Variants in PCDHGB4 observed in about 807,000 individuals in gnomAD.
PCDHGB4 encodes the protein protocadherin gamma subfamily B, 4.
A neutral mutation model predicts 60.5 loss-of-function variants in PCDHGB4; 38 were observed. That is an observed-to-expected ratio of 0.63 (90% CI 0.48 to 0.82). The LOEUF is 0.82. Ranked by LOEUF, PCDHGB4 falls within the 40% of genes least tolerant of loss-of-function variation. PCDHGB4 has a pLI of 0.00. For missense variants in PCDHGB4, 1,109 were observed against 1,209.6 expected (o/e 0.92, Z 1.23); for synonymous variants, 456 against 509.7 (o/e 0.89, Z 1.42).
At chr5:141,418,072 G>A in intron 1 of PCDHGB4, 1 of 1,614,058 alleles carries the variant, frequency 6.2e-7, no homozygotes, top group Non-Finnish European at 8.5e-7. Context: ...TGAGCGCGGA[G>A]AAGCTGCACT....
chr5:141,413,839 G>T (rs971599906), intron 1 of PCDHGB4: 1 of 1,613,310 alleles, frequency 6.2e-7, no homozygotes, highest in African/African-American at 1.3e-5. Flanking sequence ...CTCCGACGGG[G>T]GTGACCCTCT....
At chr5:141,395,224 C>G (rs1442627118) in intron 1 of PCDHGB4, 1 of 1,610,586 alleles carries the variant, frequency 6.2e-7, no homozygotes, top group Admixed American at 1.7e-5. Context: ...AAGAATGAAG[C>G]TGATCATGGT....
At chr5:141,404,232 G>GTCCAC (rs2094500642) in intron 1 of PCDHGB4, 1 of 1,613,696 alleles carries the variant, frequency 6.2e-7, no homozygotes, top group African/African-American at 1.3e-5. Flanking sequence ...GCAACAGACA[G>GTCCAC]AGGAACTCCG....
chr5:141,413,981 C>A (rs563161887), intron 1 of PCDHGB4: 1 of 1,613,452 alleles, frequency 6.2e-7, no homozygotes, highest in Admixed American at 1.7e-5. Context: ...CTGACAGTCA[C>A]AGCCACCGAC....
chr5:141,414,222 A>G lies in PCDHGB4; in HGVS notation c.2397+23941A>G, dbSNP rs1038407271. 3.7e-6 allele frequency: 6 copies of G among 1,613,316 alleles called. No individual in the cohort carries two copies. The African/African-American group carries it at 5.3e-5, about 14-fold the overall frequency. On this transcript the variant is annotated intron_variant, in intron 1 of 3. Coordinates refer to ENST00000519479, the MANE Select transcript of PCDHGB4 (RefSeq NM_003736.4). ...TAGAAGATGTAAATGACAACAGTCC[A>G]GAGCTGACCATCACGTCTCTATTTA...
At position 141,432,834 on chromosome 5, in the gene PCDHGB4, A is replaced by G; in HGVS notation, c.2397+42553A>G. 6.2e-7 allele frequency: 1 copy of G among 1,614,082 alleles called. No homozygotes were observed. The highest frequency in any genetic ancestry group is 8.5e-7 in the Non-Finnish European group (1 of 1,179,978). ...TCTGAAACCTCAGACCTCACTCTGTACCTGGTGGTAGCGGTGGCCGCGGTC... is the reference window on the plus strand; with the variant it reads ...TCTGAAACCTCAGACCTCACTCTGTGCCTGGTGGTAGCGGTGGCCGCGGTC... On this transcript the variant is annotated intron_variant, in intron 1 of 3. Transcript: ENST00000519479. This position sits in a 1 kb window ranked among gnomAD's most constrained non-coding sequence, Gnocchi z 6.0.
chr5:141,421,498 A>T (rs1303740754), intron 1 of PCDHGB4: 2 of 1,613,952 alleles, frequency 1.2e-6, no homozygotes, highest in African/African-American at 1.3e-5. Context: ...GGCAGGCAGG[A>T]TAGACCGGGA....
intron 1 of PCDHGB4, among the ~76,000 whole-genome samples, chr5:141,454,658 G>T (rs961640658): frequency 1.3e-5 from 2 of 151,812 alleles, no homozygotes; most frequent in Non-Finnish European, 2.9e-5. Flanking sequence ...TGCCCACCTC[G>T]GCCTCCCAAA....
chr5:141,485,930 G>A lies in PCDHGB4; in HGVS notation c.2398-8877G>A. ...ATCCAGCTACAGGATTAGTGTGTTG[G>A]AGAGCGCACCAGCGGGCATGGTGCT... On this transcript the variant is annotated intron_variant, in intron 1 of 3. Transcript: ENST00000519479. This position sits in a 1 kb window ranked among gnomAD's most constrained non-coding sequence, Gnocchi z 5.7. The A allele has an allele frequency of 6.2e-7, 1 of 1,614,178 alleles. No homozygotes were observed. Among genetic ancestry groups the A allele is most frequent in the Non-Finnish European group, 8.5e-7 (1 of 1,180,042 alleles).
intron 1 of PCDHGB4, chr5:141,426,945 A>G: frequency 8.8e-6 from 4 of 456,724 alleles, no homozygotes; most frequent in Non-Finnish European, 1.8e-5. Context: ...CCCAGTCCCA[A>G]CTGGCACTGC....
In PCDHGB4 at chr5:141,432,853, C is replaced by A. The variant is rs748301578; in HGVS notation, c.2397+42572C>A. 1.1e-5 allele frequency: 17 copies of A among 1,614,176 alleles called. No homozygotes were observed. Among genetic ancestry groups the A allele is most frequent in the East Asian group, 4.5e-5 (2 of 44,874 alleles). On this transcript the variant is annotated intron_variant, in intron 1 of 3. Transcript: ENST00000519479. The surrounding 1 kb of genome is among the most constrained non-coding windows in gnomAD (Gnocchi z 6.0). ...CTCTGTACCTGGTGGTAGCGGTGGC[C>A]GCGGTCTCCTGCGTCTTCCTGGCCT...
At chr5:141,478,050 C>T (rs2099429383) in intron 1 of PCDHGB4, 1 of 1,614,066 alleles carries the variant, frequency 6.2e-7, no homozygotes, top group Non-Finnish European at 8.5e-7. Flanking sequence ...CAGACTCTCA[C>T]GGTCTTGATC....
At chr5:141,412,434 A>C (rs2095556498) in intron 1 of PCDHGB4, 1 of 152,240 alleles carries the variant, frequency 6.6e-6, no homozygotes, top group Admixed American at 6.5e-5. Flanking sequence ...CAAAAAGGTT[A>C]ATTAAGGCTC....
intron 2 of PCDHGB4, 58 bp downstream of exon 2, chr5:141,494,923 G>T: frequency 6.2e-7 from 1 of 1,613,698 alleles, no homozygotes; most frequent in Non-Finnish European, 8.5e-7. Context: ...CAGGGATGAC[G>T]TGGGAGGAGA....
Position 141,438,011 on chromosome 5 carries a change from G to T in PCDHGB4, c.2397+47730G>T, listed in dbSNP as rs189978786. On this transcript the variant is annotated intron_variant, in intron 1 of 3. Coordinates refer to ENST00000519479, the MANE Select transcript of PCDHGB4 (RefSeq NM_003736.4). ...CCACCTCAGCCTCCCAAATAGCTGAGATTACAGGTGTGAGCCACCATGCCC... is the reference window on the plus strand; with the variant it reads ...CCACCTCAGCCTCCCAAATAGCTGATATTACAGGTGTGAGCCACCATGCCC... 2.8e-3 allele frequency among the ~76,000 whole-genome samples: 432 copies of T among 152,220 alleles called. 1 individual carries two copies. The highest frequency in any genetic ancestry group is 0.021 in the Admixed American group (318 of 15,288).
chr5:141,392,968 T>C (rs748824740), intron 1 of PCDHGB4: 1 of 1,613,910 alleles, frequency 6.2e-7, no homozygotes, highest in Non-Finnish European at 8.5e-7. Context: ...TCCAAGGACC[T>C]GGGGCTGGAC....
In PCDHGB4 at chr5:141,423,718, A is replaced by G. The variant is rs1450410707; in HGVS notation, c.2397+33437A>G. The G allele has an allele frequency of 4.8e-6, 5 of 1,049,028 alleles. No homozygotes were observed. In the East Asian group the frequency reaches 2.9e-4, roughly 60 times the overall value. 65.0% of individuals were successfully genotyped at this position (1,049,028 alleles called of 1,614,324 possible). On this transcript the variant is annotated intron_variant, in intron 1 of 3. Coordinates refer to ENST00000519479, the MANE Select transcript of PCDHGB4 (RefSeq NM_003736.4). The stretch of plus-strand genomic sequence containing the variant: ...GTGTCTTGGCACAAGTCTTTTAAGG[A>G]GATGTTTTTTGAGCCTGTTATGAAA...
chr5:141,441,179 C>G (rs150511376), intron 1 of PCDHGB4: 13 of 152,210 alleles, frequency 8.5e-5, no homozygotes, highest in South Asian at 2.1e-4. Context: ...ACTTCTAATT[C>G]CACAATGATT....
rs1302496204 is a variant in PCDHGB4, at chr5:141,413,214, T to A, written c.2397+22933T>A. On this transcript the variant is annotated intron_variant, in intron 1 of 3. Coordinates refer to ENST00000519479, the MANE Select transcript of PCDHGB4 (RefSeq NM_003736.4). ...GGAATCGCTCAAAGGAATCAAAGGA[T>A]TGCAGCGGGCTGGTCCTGCTCTGCC... 6 of 1,613,176 alleles carry A rather than the reference T, an allele frequency of 3.7e-6. No homozygotes were observed. The African/African-American group carries it at 8.0e-5, about 22-fold the overall frequency.
Sources: gnomAD v4.1 joint callset for allele counts (sites outside exome capture counted in the v4.1 genomes callset) on GRCh38, gnomAD v4.1.1 for gene constraint, Gnocchi (gnomAD v3.1) non-coding constraint, MANE v1.5 for transcripts, NCBI Gene and HGNC (gene_info 2026-07-23, HGNC 2026-07-21) for gene names.